The following TACC2 variants were observed in gnomAD, a reference collection of about 807,000 sequenced individuals.
The protein encoded by TACC2 is transforming acidic coiled-coil containing protein 2.
In TACC2, 137 loss-of-function variants were observed where a neutral mutation model predicts 227.3. That is an observed-to-expected ratio of 0.60 (90% confidence interval 0.52 to 0.69). TACC2 has a LOEUF of 0.69. Among genes scored for constraint, TACC2 ranks in the 30% least tolerant of loss-of-function variants. TACC2 has a pLI of 0.00. For synonymous variants in TACC2, 1,523 were observed against 1,487.5 expected (o/e 1.02, Z -0.55); for missense variants, 3,470 against 3,694.4 (o/e 0.94, Z 1.57).
intron 7 of TACC2, among the ~76,000 whole-genome samples, chr10:122,176,117 C>CTCTATATATATA (rs1447382017): frequency 1.5e-4 from 8 of 54,654 alleles, no homozygotes; most frequent in South Asian, 8.4e-4. Flanking sequence ...CTCTCTCTCT[C>CTCTATATATATA]TATATATATA....
intron 1 of TACC2, among the ~76,000 whole-genome samples, chr10:121,997,935 C>T (rs1049211016): frequency 5.9e-5 from 9 of 152,136 alleles, no homozygotes; most frequent in African/African-American, 2.2e-4. Flanking sequence ...GGTCCCATCC[C>T]ACCCCCAAAG....
At chr10:122,177,907 A>G (rs1440039641) in intron 7 of TACC2, among the ~76,000 whole-genome samples, 6 of 152,104 alleles carry the variant, frequency 3.9e-5, no homozygotes, top group Admixed American at 3.9e-4. Flanking sequence ...TGAACCCTGG[A>G]TTTACCCTGG....
chr10:122,098,652 G>A (rs947866315), intron 5 of TACC2, among the ~76,000 whole-genome samples: 2 of 152,256 alleles, frequency 1.3e-5, no homozygotes, highest in South Asian at 4.2e-4. Flanking sequence ...CATGCAGTAA[G>A]CACTGAGGTA....
At chr10:122,224,909 C>G (rs2095595034) in intron 12 of TACC2, 122 bp downstream of exon 12, 4 of 792,420 alleles carry the variant, frequency 5.0e-6, no homozygotes, top group Non-Finnish European at 8.5e-6. Flanking sequence ...GTGTACACAG[C>G]TTCCCGGGTG....
intron 16 of TACC2, among the ~76,000 whole-genome samples, chr10:122,236,943 A>T (rs1336059764): frequency 6.6e-6 from 1 of 152,240 alleles, no homozygotes; most frequent in Non-Finnish European, 1.5e-5. Flanking sequence ...GGAAATGTAA[A>T]CAGTCTTACA....
rs1045259724 is a variant in TACC2, at chr10:122,141,682, C to A, written c.5700-1890C>A. ...GGGCCACAGATCTAAGGTAGCATCTCCCCCCCACCCGCCACTGTTTTCTAA... is the reference window on the plus strand; with the variant it reads ...GGGCCACAGATCTAAGGTAGCATCTACCCCCCACCCGCCACTGTTTTCTAA... On this transcript the variant is annotated intron_variant, in intron 6 of 22. Coordinates refer to ENST00000369005, the MANE Select transcript of TACC2 (RefSeq NM_206862.4). The surrounding 1 kb of genome is among the most constrained non-coding windows in gnomAD (Gnocchi z 4.3). Among the ~76,000 whole-genome samples the A allele has an allele frequency of 3.3e-5, 5 of 151,922 alleles. No individual in the cohort carries two copies. The highest frequency in any genetic ancestry group is 4.8e-5 in the African/African-American group (2 of 41,382).
chr10:122,128,962 C>G lies in TACC2; in HGVS notation c.5574-3647C>G, dbSNP rs569978419. ...CACATACCCATGTATATCATTGATACACATAAAATGTGGATCATGCTGCTA... is the reference window on the plus strand; with the variant it reads ...CACATACCCATGTATATCATTGATAGACATAAAATGTGGATCATGCTGCTA... On this transcript the variant is annotated intron_variant, in intron 5 of 22. Transcript: ENST00000369005. 1.2e-4 allele frequency among the ~76,000 whole-genome samples: 18 copies of G among 151,908 alleles called. No individual in the cohort carries two copies. In the South Asian group the frequency reaches 1.9e-3, roughly 16 times the overall value.
intron 7 of TACC2, among the ~76,000 whole-genome samples, chr10:122,165,844 T>C (rs1261913352): frequency 6.6e-6 from 1 of 152,016 alleles, no homozygotes; most frequent in East Asian, 1.9e-4. Context: ...CCAGTGCCAT[T>C]GCTAGCATCT....
chr10:122,045,732 G>A (rs1486945726), intron 2 of TACC2, among the ~76,000 whole-genome samples: 2 of 152,194 alleles, frequency 1.3e-5, no homozygotes, highest in Non-Finnish European at 2.9e-5. Flanking sequence ...TATAGCTCAC[G>A]GGGATTTTAT....
chr10:122,012,016 C>A (rs1591019369), intron 1 of TACC2, among the ~76,000 whole-genome samples: 1 of 152,034 alleles, frequency 6.6e-6, no homozygotes, highest in South Asian at 2.1e-4. Context: ...TGGCTCCCTG[C>A]AACCTCCACC....
intron 10 of TACC2, among the ~76,000 whole-genome samples, 159 bp from the exon 11 acceptor site, chr10:122,216,468 T>C (rs570998521): frequency 2.9e-4 from 44 of 152,196 alleles, no homozygotes; most frequent in African/African-American, 9.9e-4. Context: ...TGTGTCCATC[T>C]GTTTCCTTAA....
chr10:122,068,657 T>C (rs992756603), intron 3 of TACC2, among the ~76,000 whole-genome samples: 4 of 119,014 alleles, frequency 3.4e-5, no homozygotes, highest in African/African-American at 1.2e-4. Flanking sequence ...CTGTGAGGAT[T>C]GCTCCTCCGA....
At chr10:122,191,555 A>G (rs150433504) in intron 7 of TACC2, among the ~76,000 whole-genome samples, 59 of 152,314 alleles carry the variant, frequency 3.9e-4, no homozygotes, top group African/African-American at 1.3e-3. Flanking sequence ...GTGTTTTAAG[A>G]AAATTTACGA....
At chr10:122,174,831 G>A (rs2093631816) in intron 7 of TACC2, among the ~76,000 whole-genome samples, 1 of 152,138 alleles carries the variant, frequency 6.6e-6, no homozygotes, top group Non-Finnish European at 1.5e-5. Context: ...GCTGACTGAA[G>A]TTTTGTGCCT....
intron 2 of TACC2, among the ~76,000 whole-genome samples, chr10:122,046,039 G>A (rs904558623): frequency 6.6e-6 from 1 of 152,170 alleles, no homozygotes; most frequent in African/African-American, 2.4e-5. Flanking sequence ...GCTGGGTGTG[G>A]TGGTGCATGC....
At chr10:122,041,958 T>C (rs996241509) in intron 2 of TACC2, among the ~76,000 whole-genome samples, 1 of 150,466 alleles carries the variant, frequency 6.6e-6, no homozygotes, top group Non-Finnish European at 1.5e-5. Flanking sequence ...TTTTCTTTTC[T>C]TTTTTGAGAC....
intron 7 of TACC2, among the ~76,000 whole-genome samples, chr10:122,183,700 T>C (rs539055125): frequency 2.1e-4 from 32 of 152,276 alleles, no homozygotes; most frequent in African/African-American, 6.7e-4. Flanking sequence ...CTGCCAAACC[T>C]ACTGGAGACT....
intron 5 of TACC2, among the ~76,000 whole-genome samples, chr10:122,094,716 G>C (rs1186032938): frequency 1.3e-5 from 2 of 152,212 alleles, no homozygotes; most frequent in African/African-American, 4.8e-5. Context: ...TGGCTCTCCA[G>C]AGCTTGGGAG....
intron 7 of TACC2, among the ~76,000 whole-genome samples, chr10:122,147,335 A>C (rs2091500330): frequency 6.6e-6 from 1 of 152,056 alleles, no homozygotes; most frequent in East Asian, 1.9e-4. Flanking sequence ...AGTGGAGTCA[A>C]GGTTTCACCA....
Sources: allele counts gnomAD v4.1 joint callset (sites outside exome capture counted in the v4.1 genomes callset), GRCh38; gene constraint gnomAD v4.1.1; non-coding constraint Gnocchi (gnomAD v3.1); transcripts MANE v1.5; gene names NCBI Gene and HGNC (gene_info 2026-07-23, HGNC 2026-07-21).